The following NANS variants were observed in gnomAD, a reference collection of about 807,000 sequenced individuals.
NANS encodes the protein N-acetylneuraminate-9-phosphate synthase.
NANS carries 29 observed loss-of-function variants against 33.3 expected under a neutral mutation model. That is an observed-to-expected ratio of 0.87 (90% CI 0.65 to 1.19). The LOEUF is 1.19. Among genes scored for constraint, NANS ranks in the 50% most tolerant of loss-of-function variants. NANS has a pLI of 0.00. For synonymous variants in NANS, 163 were observed against 177.2 expected, an observed-to-expected ratio of 0.92 and a Z score of 0.64; for missense variants, 394 against 461.1, an observed-to-expected ratio of 0.85 and a Z score of 1.33.
intron 2 of NANS, among the ~76,000 whole-genome samples, chr9:98,073,306 A>G: frequency 1.2e-5 from 1 of 82,852 alleles, no homozygotes; most frequent in Admixed American, 1.7e-4. Flanking sequence ...TTTTTTTGAG[A>G]CGGAGTCTTG....
At chr9:98,074,509 A>G (rs1417945457) in intron 2 of NANS, 1 of 152,136 alleles carries the variant, frequency 6.6e-6, no homozygotes, top group East Asian at 1.9e-4. Flanking sequence ...GATCTTCCAG[A>G]TTACTCAGAT....
intron 3 of NANS, among the ~76,000 whole-genome samples, chr9:98,077,796 T>C (rs1436683714): frequency 6.6e-6 from 1 of 152,212 alleles, no homozygotes; most frequent in Non-Finnish European, 1.5e-5. Context: ...AGACGGACAG[T>C]ACTCTGCCCA....
chr9:98,076,585 G>A, intron 2 of NANS: 1 of 262,088 alleles, frequency 3.8e-6, no homozygotes, highest in East Asian at 1.4e-4. Context: ...ATGTTGGTCA[G>A]GCTAGTCTCA....
chr9:98,067,454 G>A (rs527539205), intron 2 of NANS, among the ~76,000 whole-genome samples: 1 of 152,150 alleles, frequency 6.6e-6, no homozygotes, highest in Non-Finnish European at 1.5e-5. Context: ...GTGACATGGT[G>A]TCTCATTGTG....
At chr9:98,081,949 T>C (rs1829884789) in intron 5 of NANS, 1 of 152,244 alleles carries the variant, frequency 6.6e-6, no homozygotes, top group Admixed American at 6.5e-5. Flanking sequence ...TTATAACAGC[T>C]GAGCACTTAA....
intron 2 of NANS, chr9:98,069,472 C>T (rs1363016548): frequency 6.6e-6 from 1 of 152,142 alleles, no homozygotes; most frequent in Non-Finnish European, 1.5e-5. Flanking sequence ...TGGGGTTTCA[C>T]CATCTTGGCC....
In NANS at chr9:98,060,853, G is replaced by T. The variant is rs1058446; in HGVS notation, c.204G>T (p.Glu68Asp). Reference sequence around the variant, plus strand: ...TCAAGTTTAATCGGAAAGCCTTGGAGAGGCCATACACCTCGAAGCATTCCT... The same window carrying T: ...TCAAGTTTAATCGGAAAGCCTTGGATAGGCCATACACCTCGAAGCATTCCT... ...LEFKFNRKAL[E>D]RPYTSKHSWG... Residue 68 changes from glutamate (E) to aspartate (D), a missense_variant, in exon 2 of 6, where the codon GAG becomes GAT. Glu to Asp is a conservative substitution (Grantham distance 45). Transcript: ENST00000210444. 6.2e-7 allele frequency: 1 copy of T among 1,614,014 alleles called. No individual in the cohort carries two copies. The highest frequency in any genetic ancestry group is 8.5e-7 in the Non-Finnish European group (1 of 1,179,990).
At chr9:98,060,670 C>CTCAA (rs1554728407) in intron 1 of NANS, 112 bp from the exon 2 acceptor site, 1 of 1,062,596 alleles carries the variant, frequency 9.4e-7, no homozygotes, top group African/African-American at 1.6e-5. Context: ...AACTCTGTCT[C>CTCAA]TAAATAAATA....
rs570208008 is a variant in NANS, at chr9:98,079,867, C to G, written c.604-949C>G. On this transcript the variant is annotated intron_variant, in intron 4 of 5. Transcript: ENST00000210444. ...AGCAACCCGCACTCCATCACACACCCTTAAGCCTGGTTTTCAAGGCCTTTG... is the reference window on the plus strand; with the variant it reads ...AGCAACCCGCACTCCATCACACACCGTTAAGCCTGGTTTTCAAGGCCTTTG... Among the ~76,000 whole-genome samples, 4 of 152,320 alleles carry G rather than the reference C, an allele frequency of 2.6e-5. No homozygotes were observed. The East Asian group carries it at 7.7e-4, about 29-fold the overall frequency.
intron 2 of NANS, among the ~76,000 whole-genome samples, chr9:98,063,227 C>T (rs1829038213): frequency 6.6e-6 from 1 of 151,088 alleles, no homozygotes. Context: ...CCATGCCCAG[C>T]CCAGTTTTAT....
rs1385005494 is a variant in NANS at position 98,081,327 on chromosome 9, A to G, written c.870+245A>G. The G allele has an allele frequency of 9.2e-6, 5 of 545,908 alleles. No homozygotes were observed. In the East Asian group the frequency reaches 1.6e-4, roughly 18 times the overall value. 33.8% of individuals were successfully genotyped at this position (545,908 alleles called of 1,614,324 possible). A position where few individuals can be genotyped will look rare whatever the true frequency, so the allele number is the denominator to read the frequency against. On this transcript the variant is annotated intron_variant, in intron 5 of 5. Transcript: ENST00000210444. ...AGTTTCTCTGGCCACCTAGGGTCACATTAGAGTCTTCCACTAATTCTCTGA... is the reference window on the plus strand; with the variant it reads ...AGTTTCTCTGGCCACCTAGGGTCACGTTAGAGTCTTCCACTAATTCTCTGA...
At chr9:98,070,193 C>T (rs1829275441) in intron 2 of NANS, among the ~76,000 whole-genome samples, 1 of 152,230 alleles carries the variant, frequency 6.6e-6, no homozygotes, top group South Asian at 2.1e-4. Context: ...TTGTGGCTCA[C>T]TGTAACCTTC....
chr9:98,078,798 G>A (rs577690804), intron 4 of NANS, among the ~76,000 whole-genome samples: 64 of 142,082 alleles, frequency 4.5e-4, no homozygotes, highest in African/African-American at 1.7e-3. Flanking sequence ...TTGCACCACT[G>A]CACTCAAGCC....
At chr9:98,062,724 G>A (rs1405165212) in intron 2 of NANS, among the ~76,000 whole-genome samples, 3 of 148,578 alleles carry the variant, frequency 2.0e-5, no homozygotes, top group Non-Finnish European at 4.4e-5. Flanking sequence ...TTTGGTGCAT[G>A]TACTATACTG....
intron 5 of NANS, 57 bp downstream of exon 5, chr9:98,081,139 T>C (rs1183765701): frequency 1.1e-5 from 18 of 1,599,024 alleles, no homozygotes; most frequent in Non-Finnish European, 1.5e-5. Flanking sequence ...AAGGATAGGC[T>C]GGCCTGAGAG....
intron 2 of NANS, among the ~76,000 whole-genome samples, chr9:98,067,887 A>G (rs1380496925): frequency 1.3e-5 from 2 of 151,952 alleles, no homozygotes; most frequent in South Asian, 4.2e-4. Flanking sequence ...AGACTCAGCT[A>G]ATTTTTGTAT....
At chr9:98,067,454 G>T (rs527539205) in intron 2 of NANS, among the ~76,000 whole-genome samples, 1 of 152,268 alleles carries the variant, frequency 6.6e-6, no homozygotes, top group African/African-American at 2.4e-5. Flanking sequence ...GTGACATGGT[G>T]TCTCATTGTG....
At chr9:98,065,483 ATTTTT>A (rs397837187) in intron 2 of NANS, among the ~76,000 whole-genome samples, 34 of 58,632 alleles carry the variant, frequency 5.8e-4, no homozygotes, top group Admixed American at 2.9e-3. Context: ...TGCCCAGCTA[ATTTTT>A]TTTTTTTTTT....
intron 2 of NANS, 174 bp downstream of exon 2, chr9:98,061,171 T>C (rs1387879116): frequency 1.6e-6 from 1 of 637,728 alleles, no homozygotes; most frequent in Non-Finnish European, 2.7e-6. Context: ...AAGGATGCCA[T>C]TGTTTTAAAA....
Sources: allele counts gnomAD v4.1 joint callset (sites outside exome capture counted in the v4.1 genomes callset), GRCh38; gene constraint gnomAD v4.1.1; transcripts MANE v1.5; gene names NCBI Gene and HGNC (gene_info 2026-07-23, HGNC 2026-07-21).